The following RASGRP3 variants were observed in gnomAD, a reference collection of about 807,000 sequenced individuals.
The protein encoded by RASGRP3 is ras guanyl-releasing protein 3.
RASGRP3 carries 54 observed loss-of-function variants against 82.7 expected under a neutral mutation model. That is an observed-to-expected ratio of 0.65 (90% CI 0.52 to 0.82). The LOEUF (loss-of-function observed/expected upper bound fraction) is 0.82, where lower values mean the gene tolerates loss of function less well. RASGRP3 is among the 40% of genes least tolerant of loss of function. The pLI, the probability that RASGRP3 is intolerant of heterozygous loss-of-function variation, is 0.00. For missense variants in RASGRP3, 861 were observed against 828.9 expected, an observed-to-expected ratio of 1.04 and a Z score of -0.48; for synonymous variants, 309 against 300.5, an observed-to-expected ratio of 1.03 and a Z score of -0.29.
intron 9 of RASGRP3, among the ~76,000 whole-genome samples, chr2:33,526,846 CAA>C (rs1672609908): frequency 6.6e-6 from 1 of 152,160 alleles, no homozygotes; most frequent in African/African-American, 2.4e-5. Flanking sequence ...CATAAATTTC[CAA>C]ACACTTAAGT....
intron 2 of RASGRP3, among the ~76,000 whole-genome samples, chr2:33,468,864 ATATTTC>A (rs1215124969): frequency 6.6e-6 from 1 of 152,214 alleles, no homozygotes; most frequent in African/African-American, 2.4e-5. Flanking sequence ...TTCTTAGGAT[ATATTTC>A]TAGAACAGGA....
At chr2:33,493,480 G>T (rs1203491035) in intron 1 of RASGRP3, among the ~76,000 whole-genome samples, 1 of 152,200 alleles carries the variant, frequency 6.6e-6, no homozygotes, top group Admixed American at 6.5e-5. Flanking sequence ...CAAGGTTTGA[G>T]TGGCTAAAAG....
At chr2:33,496,170 G>A (rs982984113) in intron 1 of RASGRP3, among the ~76,000 whole-genome samples, 3 of 152,138 alleles carry the variant, frequency 2.0e-5, no homozygotes, top group African/African-American at 7.2e-5. Flanking sequence ...CACCATCTTC[G>A]ATTTGGAGAA....
Position 33,522,030 on chromosome 2 carries a change from T to G in RASGRP3, c.444T>G (p.Phe148Leu). 1 of 1,613,952 alleles carries G rather than the reference T, an allele frequency of 6.2e-7. No individual in the cohort carries two copies. The highest frequency in any genetic ancestry group is 8.5e-7 in the Non-Finnish European group (1 of 1,179,852). Residue 148 changes from phenylalanine to leucine, a missense_variant, in exon 7 of 18, where the codon TTT (phenylalanine) becomes TTG (leucine). Coordinates refer to ENST00000403687, the MANE Select transcript of RASGRP3 (RefSeq NM_001139488.2). ...AGAAGGGAAAAGCCTGTCTGCTGTT[T>G]GACCATCTGGAGCCCATTGAATTGG... Reference protein sequence around the residue: ...VSKKGKACLLFDHLEPIELAE... With the variant: ...VSKKGKACLLLDHLEPIELAE...
chr2:33,554,405 C>T (rs765546869), intron 14 of RASGRP3, among the ~76,000 whole-genome samples: 34 of 152,208 alleles, frequency 2.2e-4, no homozygotes, highest in Non-Finnish European at 4.1e-4. Flanking sequence ...ATTACCCATA[C>T]TGTATGCCTC....
At chr2:33,468,107 T>C (rs1666832077) in intron 2 of RASGRP3, among the ~76,000 whole-genome samples, 1 of 151,690 alleles carries the variant, frequency 6.6e-6, no homozygotes, top group African/African-American at 2.4e-5. Context: ...CTTAAGTGTC[T>C]TTGTAAGTCC....
chr2:33,509,489 A>G (rs1486778975), intron 1 of RASGRP3, among the ~76,000 whole-genome samples: 1 of 152,166 alleles, frequency 6.6e-6, no homozygotes, highest in African/African-American at 2.4e-5. Flanking sequence ...ACTCCTTACT[A>G]AAGCTTACAA....
intron 2 of RASGRP3, among the ~76,000 whole-genome samples, chr2:33,464,909 C>A (rs1666602697): frequency 1.3e-5 from 2 of 152,204 alleles, no homozygotes; most frequent in South Asian, 4.1e-4. Flanking sequence ...CCCCACCTCT[C>A]TTCCTCTCCT....
intron 1 of RASGRP3, among the ~76,000 whole-genome samples, chr2:33,490,584 G>T (rs1355066289): frequency 6.6e-6 from 1 of 152,144 alleles, no homozygotes; most frequent in East Asian, 1.9e-4. Context: ...TCTCTGACAG[G>T]AGCTCCTCAA....
chr2:33,459,288 C>T (rs972596095), intron 2 of RASGRP3, among the ~76,000 whole-genome samples: 2 of 152,134 alleles, frequency 1.3e-5, no homozygotes, highest in Non-Finnish European at 2.9e-5. Flanking sequence ...GCGCCCGCCA[C>T]CACGCCCTGC....
intron 2 of RASGRP3, among the ~76,000 whole-genome samples, chr2:33,462,242 A>G (rs1370060672): frequency 1.3e-5 from 2 of 152,172 alleles, no homozygotes. Flanking sequence ...TGAACCCAGA[A>G]CAGCTTAGTG....
intron 5 of RASGRP3, among the ~76,000 whole-genome samples, chr2:33,520,292 T>C (rs1671898990): frequency 6.6e-6 from 1 of 152,166 alleles, no homozygotes; most frequent in African/African-American, 2.4e-5. Context: ...CCCATTCCCA[T>C]CTACTCACCA....
chr2:33,524,856 G>A (rs1011064507), intron 9 of RASGRP3, among the ~76,000 whole-genome samples: 1 of 151,770 alleles, frequency 6.6e-6, no homozygotes, highest in African/African-American at 2.4e-5. Flanking sequence ...GAGGCGGGCG[G>A]ATCACAAGGT....
intron 1 of RASGRP3, among the ~76,000 whole-genome samples, chr2:33,496,715 G>C (rs1175042116): frequency 6.6e-6 from 1 of 152,170 alleles, no homozygotes; most frequent in Non-Finnish European, 1.5e-5. Flanking sequence ...AAATTAGCAA[G>C]GTGTGGCGGC....
chr2:33,561,408 C>T (rs1287557417), intron 17 of RASGRP3, among the ~76,000 whole-genome samples: 1 of 151,968 alleles, frequency 6.6e-6, no homozygotes, highest in Non-Finnish European at 1.5e-5. Flanking sequence ...TCACTGACCA[C>T]GAGTATTTAA....
chr2:33,519,825 C>T (rs1254420732), intron 4 of RASGRP3, 127 bp from the exon 5 acceptor site: 22 of 610,276 alleles, frequency 3.6e-5, no homozygotes, highest in African/African-American at 5.6e-5. Context: ...CACTTCTCTC[C>T]GTATTTGAGT....
upstream of RASGRP3, chr2:33,476,092 C>G (rs1312933336): frequency 6.6e-6 from 1 of 152,288 alleles, no homozygotes; most frequent in Non-Finnish European, 1.5e-5. Context: ...GAAGTCCAAC[C>G]TAAGCATTCT....
intron 1 of RASGRP3, among the ~76,000 whole-genome samples, chr2:33,488,460 G>A (rs114796551): frequency 0.021 from 3,216 of 152,268 alleles, 54 homozygotes; most frequent in Non-Finnish European, 0.034. Flanking sequence ...TTGTGAGATT[G>A]CTCAAGGCTC....
At chr2:33,498,030 C>A (rs899859999) in intron 1 of RASGRP3, among the ~76,000 whole-genome samples, 1 of 152,166 alleles carries the variant, frequency 6.6e-6, no homozygotes, top group Admixed American at 6.5e-5. Flanking sequence ...TCCCTTCTCT[C>A]TTTCTTTCCT....
Sources: gnomAD v4.1 joint callset for allele counts (sites outside exome capture counted in the v4.1 genomes callset) on GRCh38, gnomAD v4.1.1 for gene constraint, MANE v1.5 for transcripts, NCBI Gene and HGNC (gene_info 2026-07-23, HGNC 2026-07-21) for gene names.